LPP: variants seen among roughly 807,000 people sequenced by gnomAD.
LPP encodes LIM domain containing preferred translocation partner in lipoma, also known as lipoma-preferred partner.
Under a neutral mutation model 60.4 loss-of-function variants are expected in LPP, and 38 were observed. The observed-to-expected ratio is 0.63, with a 90% CI of 0.49 to 0.83. The LOEUF is 0.83. LPP is among the 40% of genes least tolerant of loss of function. The pLI, the probability that LPP is intolerant of heterozygous loss-of-function variation, is 0.00. For missense variants in LPP, 902 were observed against 783.6 expected (o/e 1.15, Z -1.80); for synonymous variants, 328 against 290.8 (o/e 1.13, Z -1.30).
At chr3:188,250,768 T>TTC (rs1216079659) in intron 2 of LPP, among the ~76,000 whole-genome samples, 5 of 114,962 alleles carry the variant, frequency 4.3e-5, no homozygotes, top group Non-Finnish European at 7.0e-5. Flanking sequence ...CTTTCTTTCT[T>TTC]TCTTTCTTTC....
intron 1 of LPP, among the ~76,000 whole-genome samples, chr3:188,160,033 C>T (rs1308179756): frequency 1.3e-5 from 2 of 152,188 alleles, no homozygotes; most frequent in African/African-American, 4.8e-5. Context: ...CTGCCTCAGC[C>T]TCCCAAGTAG....
intron 3 of LPP, among the ~76,000 whole-genome samples, chr3:188,368,719 C>CACAGAGAGAG: frequency 1.0e-5 from 1 of 99,652 alleles, no homozygotes; most frequent in South Asian, 3.4e-4. Flanking sequence ...CACACACACA[C>CACAGAGAGAG]AGAGAGAGAG....
At chr3:188,740,913 T>C (rs909952058) in intron 8 of LPP, among the ~76,000 whole-genome samples, 2 of 152,018 alleles carry the variant, frequency 1.3e-5, no homozygotes, top group African/African-American at 4.8e-5. Context: ...ATTCTCAGTT[T>C]CCATGACCAT....
chr3:188,539,312 G>A (rs919497419), intron 6 of LPP, among the ~76,000 whole-genome samples: 5 of 152,152 alleles, frequency 3.3e-5, no homozygotes, highest in East Asian at 1.9e-4. Context: ...GTACTTAAGC[G>A]TACATGGTAA....
At chr3:188,811,382 ACACG>A (rs746250246) in intron 9 of LPP, among the ~76,000 whole-genome samples, 13 of 146,124 alleles carry the variant, frequency 8.9e-5, no homozygotes, top group East Asian at 2.2e-4. Flanking sequence ...ACACACACAC[ACACG>A]CACACACGCT....
chr3:188,240,987 A>G (rs2149461657), intron 2 of LPP, among the ~76,000 whole-genome samples: 1 of 152,328 alleles, frequency 6.6e-6, no homozygotes, highest in Non-Finnish European at 1.5e-5. Flanking sequence ...AAAAATGTTA[A>G]GATGTTACGG....
At chr3:188,627,147 G>C (rs1036211591) in intron 7 of LPP, among the ~76,000 whole-genome samples, 1 of 152,078 alleles carries the variant, frequency 6.6e-6, no homozygotes, top group Non-Finnish European at 1.5e-5. Flanking sequence ...AGGTCCTTAA[G>C]GGAATGATAA....
chr3:188,292,068 G>A (rs1366974522), intron 2 of LPP, among the ~76,000 whole-genome samples: 1 of 152,172 alleles, frequency 6.6e-6, no homozygotes, highest in Non-Finnish European at 1.5e-5. Flanking sequence ...AGTTTAAACA[G>A]CAATGAGTCT....
intron 2 of LPP, among the ~76,000 whole-genome samples, chr3:188,277,416 T>A (rs1447706204): frequency 6.6e-6 from 1 of 152,142 alleles, no homozygotes; most frequent in Non-Finnish European, 1.5e-5. Flanking sequence ...TGATTCTCTC[T>A]TCTCTATTAG....
chr3:188,289,186 C>T (rs1211318191), intron 2 of LPP, among the ~76,000 whole-genome samples: 1 of 152,036 alleles, frequency 6.6e-6, no homozygotes, highest in East Asian at 1.9e-4. Flanking sequence ...AAACAAAGAT[C>T]ATACAATCAT....
At chr3:188,718,429 T>C (rs1714983070) in intron 8 of LPP, among the ~76,000 whole-genome samples, 1 of 152,194 alleles carries the variant, frequency 6.6e-6, no homozygotes, top group Non-Finnish European at 1.5e-5. Flanking sequence ...AAGAACACAT[T>C]GTCCTTAAAA....
intron 9 of LPP, among the ~76,000 whole-genome samples, chr3:188,763,321 C>T (rs891511862): frequency 6.6e-6 from 1 of 151,318 alleles, no homozygotes; most frequent in African/African-American, 2.4e-5. Context: ...GTATAAGGAC[C>T]AGCATGTTTG....
At chr3:188,669,755 G>A (rs569088434) in intron 7 of LPP, among the ~76,000 whole-genome samples, 2 of 151,998 alleles carry the variant, frequency 1.3e-5, no homozygotes, top group East Asian at 1.9e-4. Context: ...CCATTACTGG[G>A]TATACCCAAA....
At chr3:188,726,614 T>C (rs574071220) in intron 8 of LPP, among the ~76,000 whole-genome samples, 1 of 152,060 alleles carries the variant, frequency 6.6e-6, no homozygotes, top group African/African-American at 2.4e-5. Flanking sequence ...AGTGATACAG[T>C]GGTATTGGAG....
chr3:188,381,711 G>C (rs1402885157), intron 3 of LPP, among the ~76,000 whole-genome samples: 2 of 152,154 alleles, frequency 1.3e-5, no homozygotes, highest in Non-Finnish European at 2.9e-5. Flanking sequence ...ACTTTTGAGA[G>C]CTTTTCAAAT....
intron 4 of LPP, among the ~76,000 whole-genome samples, chr3:188,460,731 C>T (rs1293974717): frequency 6.6e-6 from 1 of 152,074 alleles, no homozygotes; most frequent in Non-Finnish European, 1.5e-5. Context: ...TTAACATGAT[C>T]AAGATATCTG....
intron 6 of LPP, among the ~76,000 whole-genome samples, chr3:188,599,485 T>A (rs1840633570): frequency 6.6e-6 from 1 of 152,048 alleles, no homozygotes; most frequent in Non-Finnish European, 1.5e-5. Flanking sequence ...TCTCTAGAAG[T>A]CCAGGGAGAT....
At chr3:188,694,041 CAG>C (rs1406418580) in intron 7 of LPP, among the ~76,000 whole-genome samples, 1 of 152,134 alleles carries the variant, frequency 6.6e-6, no homozygotes, top group Non-Finnish European at 1.5e-5. Flanking sequence ...AAATGGTCTC[CAG>C]TGTCTTTTCT....
At chr3:188,589,441 G>C (rs1838189842) in intron 6 of LPP, among the ~76,000 whole-genome samples, 1 of 152,088 alleles carries the variant, frequency 6.6e-6, no homozygotes, top group South Asian at 2.1e-4. Flanking sequence ...TGGATAATTA[G>C]ATAAATAAGA....
Sources: gnomAD v4.1 joint callset for allele counts (sites outside exome capture counted in the v4.1 genomes callset) on GRCh38, gnomAD v4.1.1 for gene constraint, MANE v1.5 for transcripts, NCBI Gene and HGNC (gene_info 2026-07-23, HGNC 2026-07-21) for gene names.